The following ZNF99 variants were observed in gnomAD, a reference collection of about 807,000 sequenced individuals.
The protein encoded by ZNF99 is zinc finger protein ENSP00000375192.
In ZNF99, 8 loss-of-function variants were observed where a neutral mutation model predicts 12.8. The observed-to-expected ratio is 0.62, with a 90% confidence interval of 0.37 to 1.13. The LOEUF (loss-of-function observed/expected upper bound fraction) is 1.13, where lower values mean the gene tolerates loss of function less well. Among genes scored for constraint, ZNF99 ranks in the 50% most tolerant of loss-of-function variants. The pLI, the probability that ZNF99 is intolerant of heterozygous loss-of-function variation, is 0.02. For synonymous variants in ZNF99, 318 were observed against 319.0 expected (o/e 1.00, Z 0.03); for missense variants, 1,007 against 1,006.2 (o/e 1.00, Z -0.01).
At chr19:22,769,854 C>A in intron 1 of ZNF99, 1 of 1,331,272 alleles carries the variant, frequency 7.5e-7, no homozygotes, top group Non-Finnish European at 9.9e-7. Context: ...TCCACAACAC[C>A]AGCACAGACA....
At position 22,758,685 on chromosome 19, in the gene ZNF99, C is replaced by T. The variant is rs746712440; in HGVS notation, c.1224G>A (p.Trp408Ter). The change falls in exon 4 of 4, where the codon TGG (tryptophan) becomes TGA (stop). Residue 408 changes from tryptophan (W) to a stop codon, truncating the protein, a stop_gained. Coordinates refer to ENST00000596209, the MANE Select transcript of ZNF99 (RefSeq NM_001080409.3). LOFTEE classifies it low-confidence loss of function (END_TRUNC). ...CCTTATGTACAGTAAGTTTTGAGGA[C>T]CACTTAAAAGCTTTACCACATTCTT... The part of the protein sequence containing the change: ...KCEECGKAFK[W>*]SSKLTVHKVI... 2 of 1,611,028 alleles carry T rather than the reference C, an allele frequency of 1.2e-6. No homozygotes were observed. Among genetic ancestry groups the T allele is most frequent in the East Asian group, 4.5e-5 (2 of 44,686 alleles).
intron 3 of ZNF99, among the ~76,000 whole-genome samples, chr19:22,767,939 A>G (rs544013882): frequency 6.6e-6 from 1 of 152,348 alleles, no homozygotes; most frequent in Admixed American, 6.5e-5. Flanking sequence ...GGTAAGAGAT[A>G]GAGCAAGTGT....
rs1973237634 is a variant in ZNF99 at position 22,769,192 on chromosome 19, C to T, written c.130+6G>A. On this transcript the variant is annotated splice_donor_region_variant and intron_variant, in intron 2 of 3. Transcript: ENST00000596209. ...ATAGGAATTGCTTAATTAAAATCAT[C>T]CTCACCCAGGAAGACCAGGTTTCTG... 15 of 1,604,198 alleles carry T rather than the reference C, an allele frequency of 9.4e-6. No homozygotes were observed. Among genetic ancestry groups the T allele is most frequent in the Non-Finnish European group, 1.3e-5 (15 of 1,174,754 alleles).
chr19:22,760,627 C>T (rs1287093792), intron 3 of ZNF99, among the ~76,000 whole-genome samples: 1 of 151,872 alleles, frequency 6.6e-6, no homozygotes, highest in Middle Eastern at 3.2e-3. Flanking sequence ...ATCTGTAGTC[C>T]CAGCTACTCA....
intron 1 of ZNF99, among the ~76,000 whole-genome samples, chr19:22,773,003 G>A (rs1973289607): frequency 1.3e-5 from 2 of 152,162 alleles, no homozygotes; most frequent in Non-Finnish European, 1.5e-5. Context: ...AGTTTCAGAT[G>A]TGAAGATACA....
chr19:22,768,413 A>C lies in ZNF99; in HGVS notation c.131-13T>G. Reference sequence around the variant, plus strand: ...GAGACAGCGATACCTGTTTTATTAAAAATAAATAACATAAATATTGCTCAT... The same window carrying C: ...GAGACAGCGATACCTGTTTTATTAACAATAAATAACATAAATATTGCTCAT... On this transcript the variant is annotated splice_polypyrimidine_tract_variant and intron_variant, in intron 2 of 3. Transcript: ENST00000596209. 6.3e-7 allele frequency: 1 copy of C among 1,596,760 alleles called. No individual in the cohort carries two copies. Among genetic ancestry groups the C allele is most frequent in the Middle Eastern group, 1.7e-4 (1 of 5,974 alleles).
At chr19:22,760,786 G>A (rs1973142355) in intron 3 of ZNF99, among the ~76,000 whole-genome samples, 2 of 150,682 alleles carry the variant, frequency 1.3e-5, no homozygotes. Context: ...GCTTGAATCT[G>A]CTGAAACCAA....
intron 3 of ZNF99, among the ~76,000 whole-genome samples, chr19:22,763,487 C>A (rs1469148241): frequency 1.3e-5 from 2 of 151,960 alleles, no homozygotes; most frequent in African/African-American, 4.8e-5. Flanking sequence ...ACAGATGACA[C>A]AAACAAATGG....
In ZNF99 at chr19:22,758,036, C is replaced by T. The variant is rs755782730; in HGVS notation, c.1873G>A (p.Glu625Lys). Residue 625 changes from glutamate to lysine, a missense_variant, in exon 4 of 4, where the codon GAA (glutamate) becomes AAA (lysine). Glu to Lys is a moderately conservative substitution (Grantham distance 56, BLOSUM62 1). Transcript: ENST00000596209. Reference sequence around the variant, plus strand: ...GACTGGCTAAAAGCTTTGCCACATTCTTCACATTTGTAGGGTTTCTTTCCA... The same window carrying T: ...GACTGGCTAAAAGCTTTGCCACATTTTTCACATTTGTAGGGTTTCTTTCCA... ...HTGKKPYKCE[E>K]CGKAFSQSST... The T allele has an allele frequency of 1.9e-6, 3 of 1,610,092 alleles. No homozygotes were observed. Among genetic ancestry groups the T allele is most frequent in the Admixed American group, 1.7e-5 (1 of 59,790 alleles).
In ZNF99 at chr19:22,782,474, G is replaced by A. The variant is rs139720576; in HGVS notation, c.3+1540C>T. On this transcript the variant is annotated intron_variant, in intron 1 of 3. Transcript: ENST00000596209. ...GGGTTCAAGCAATTCTCCTGCCTCA[G>A]CCCCACGAGTAGCTAGGATTACAGG... is the stretch of plus-strand genomic sequence containing the variant. Among the ~76,000 whole-genome samples the A allele has an allele frequency of 3.5e-3, 533 of 150,366 alleles. 5 individuals are homozygous for A. The highest frequency in any genetic ancestry group is 0.013 in the African/African-American group (514 of 40,814).
At position 22,758,591 on chromosome 19, in the gene ZNF99, G is replaced by C. The variant is rs1183671023; in HGVS notation, c.1318C>G (p.Leu440Val). The C allele has an allele frequency of 1.2e-6, 2 of 1,612,974 alleles. No homozygotes were observed. Among genetic ancestry groups the C allele is most frequent in the African/African-American group, 2.7e-5 (2 of 74,692 alleles). The change falls in exon 4 of 4, where the codon CTT (leucine) becomes GTT (valine). Residue 440 changes from leucine (L) to valine (V), a missense_variant. By Grantham distance (32) the Leu-to-Val change is conservative. Coordinates refer to ENST00000596209, the MANE Select transcript of ZNF99 (RefSeq NM_001080409.3). Reference protein sequence around the residue: ...CGKAFKRFSALRKHKIIHTGK... With the variant: ...CGKAFKRFSAVRKHKIIHTGK... ...GTATGAATTATCTTATGTTTTCTAA[G>C]GGCTGAGAAACGCTTAAAAGCTTTG... is the stretch of plus-strand genomic sequence containing the variant.
intron 1 of ZNF99, among the ~76,000 whole-genome samples, chr19:22,779,207 TCTC>T (rs1244964267): frequency 6.6e-6 from 1 of 151,454 alleles, no homozygotes; most frequent in Non-Finnish European, 1.5e-5. Context: ...CTGCACATTG[TCTC>T]CTTTTTCTCA....
intron 1 of ZNF99, among the ~76,000 whole-genome samples, chr19:22,777,607 T>C (rs1384286432): frequency 6.6e-6 from 1 of 152,156 alleles, no homozygotes; most frequent in African/African-American, 2.4e-5. Context: ...CTACAGATAG[T>C]GGCCCAGGTA....
intron 1 of ZNF99, among the ~76,000 whole-genome samples, chr19:22,778,793 TTG>T (rs914100052): frequency 3.3e-5 from 5 of 151,916 alleles, no homozygotes; most frequent in Admixed American, 1.3e-4. Context: ...TCACCTGAGG[TTG>T]TGAGTTCAAG....
intron 1 of ZNF99, among the ~76,000 whole-genome samples, chr19:22,775,829 AG>A (rs1238207300): frequency 6.6e-6 from 1 of 152,186 alleles, no homozygotes; most frequent in Non-Finnish European, 1.5e-5. Context: ...GTTCGAGACC[AG>A]CCTGGCCAAG....
Position 22,756,251 on chromosome 19 carries a change from G to C in ZNF99, c.*1063C>G, listed in dbSNP as rs1255692537. ...AATTATCTTATGTTTAGTAAGGGCT[G>C]AAAGATGGTTAAAAGCTTTGCCACA... On this transcript the variant is annotated 3_prime_UTR_variant, in exon 4 of 4. Coordinates refer to ENST00000596209, the MANE Select transcript of ZNF99 (RefSeq NM_001080409.3). 43 of 1,574,656 alleles carry C rather than the reference G, an allele frequency of 2.7e-5. 1 individual carries two copies. The Admixed American group carries it at 7.3e-4, about 27-fold the overall frequency.
At position 22,756,616 on chromosome 19, in the gene ZNF99, C is replaced by A. The variant is rs376059510; in HGVS notation, c.*698G>T. ...CTTAAAAGCTTTGCCACATTCTTCA[C>A]ATTTGTACGGTTTCTCCCCAGTATG... On this transcript the variant is annotated 3_prime_UTR_variant, in exon 4 of 4. Coordinates refer to ENST00000596209, the MANE Select transcript of ZNF99 (RefSeq NM_001080409.3). 2 of 1,597,032 alleles carry A rather than the reference C, an allele frequency of 1.3e-6. No homozygotes were observed. The highest frequency in any genetic ancestry group is 2.2e-5 in the South Asian group (2 of 90,536).
At chr19:22,760,884 TAAAAAAAA>T (rs5827535) in intron 3 of ZNF99, among the ~76,000 whole-genome samples, 33 of 118,266 alleles carry the variant, frequency 2.8e-4, no homozygotes, top group African/African-American at 9.3e-4. Flanking sequence ...ATTCTTTATC[TAAAAAAAA>T]AAAAAAAAAA....
chr19:22,774,494 A>G (rs1475393192), intron 1 of ZNF99: 1 of 152,172 alleles, frequency 6.6e-6, no homozygotes, highest in Admixed American at 6.5e-5. Flanking sequence ...CTAACTAAAG[A>G]GCTATTATGG....
Sources: allele counts gnomAD v4.1 joint callset (sites outside exome capture counted in the v4.1 genomes callset), GRCh38; gene constraint gnomAD v4.1.1; transcripts MANE v1.5; gene names NCBI Gene and HGNC (gene_info 2026-07-23, HGNC 2026-07-21).